Variants in KLHL13 observed in about 807,000 individuals in gnomAD.
The protein encoded by KLHL13 is kelch like family member 13, also known as kelch-like protein 13.
A neutral mutation model predicts 37.1 loss-of-function variants in KLHL13; 10 were observed. That is an observed-to-expected ratio of 0.27 (90% CI 0.17 to 0.46). KLHL13 has a LOEUF of 0.46. Among genes scored for constraint, KLHL13 ranks in the 20% least tolerant of loss-of-function variants. The pLI is 1.00. For missense variants in KLHL13, 360 were observed against 509.3 expected, an observed-to-expected ratio of 0.71 and a Z score of 2.82; for synonymous variants, 163 against 181.2, an observed-to-expected ratio of 0.90 and a Z score of 0.81.
At chrX:117,954,585 T>C (rs895437056) in intron 1 of KLHL13, among the ~76,000 whole-genome samples, 4 of 112,805 alleles carry the variant, frequency 3.5e-5, no homozygotes, top group Admixed American at 1.9e-4. Context: ...ATACCTTCTA[T>C]ACAAACAAGT....
At chrX:118,116,108 C>G (rs1256586827) in intron 1 of KLHL13, among the ~76,000 whole-genome samples, 1 of 111,650 alleles carries the variant, frequency 9.0e-6, no homozygotes, top group African/African-American at 3.3e-5. Context: ...GATTAGGAGG[C>G]ACAAAGCAGA....
rs1008180480 is a variant in KLHL13 at position 118,105,893 on chromosome X, T to C, written c.-56+10615A>G. On this transcript the variant is annotated intron_variant, in intron 1 of 6. Coordinates refer to the KLHL13 transcript ENST00000371882. ...TAAAGGATCCTTTGGTCTAAACAGC[T>C]TTTTTTTTTTTTTTTTTTTTTTTTT... is the stretch of plus-strand genomic sequence containing the variant. Among the ~76,000 whole-genome samples the C allele has an allele frequency of 1.5e-4, 8 of 52,173 alleles. No individual in the cohort carries two copies. The South Asian group carries it at 8.1e-3, about 53-fold the overall frequency. The allele number at this position is 52,173 out of a possible 115,157, so 45.3% of individuals were successfully genotyped here. A position where few individuals can be genotyped will look rare whatever the true frequency, so the allele number is the denominator to read the frequency against.
chrX:118,047,863 G>A (rs1295690674), intron 1 of KLHL13, among the ~76,000 whole-genome samples: 2 of 111,938 alleles, frequency 1.8e-5, no homozygotes, highest in East Asian at 2.8e-4. Flanking sequence ...AGGAGAGGCC[G>A]TGGGCTCGAA....
chrX:117,960,360 T>C (rs982952555), intron 1 of KLHL13, among the ~76,000 whole-genome samples: 7 of 111,687 alleles, frequency 6.3e-5, no homozygotes, highest in Non-Finnish European at 1.3e-4. Context: ...AGTTTAGAAA[T>C]GCCACTTCTG....
At chrX:117,941,243 C>A (rs1235162895) in intron 2 of KLHL13, among the ~76,000 whole-genome samples, 1 of 110,465 alleles carries the variant, frequency 9.1e-6, no homozygotes, top group East Asian at 2.8e-4. Flanking sequence ...TGATGGATTA[C>A]ATTTTATCGA....
intron 1 of KLHL13, among the ~76,000 whole-genome samples, chrX:118,023,635 C>G (rs1268794299): frequency 9.0e-6 from 1 of 111,619 alleles, no homozygotes; most frequent in Admixed American, 9.5e-5. Context: ...GTGGCACGAT[C>G]TCAGCTCACT....
intron 1 of KLHL13, among the ~76,000 whole-genome samples, chrX:118,027,612 C>G (rs993770460): frequency 9.2e-6 from 1 of 108,181 alleles, no homozygotes; most frequent in Non-Finnish European, 1.9e-5. Context: ...CTCACTCACT[C>G]ACACCCGCTC....
intron 1 of KLHL13, among the ~76,000 whole-genome samples, chrX:118,000,996 T>C (rs187818843): frequency 8.9e-6 from 1 of 112,050 alleles, no homozygotes; most frequent in African/African-American, 3.2e-5. Flanking sequence ...TAAATTTAAT[T>C]TCATTAAATT....
chrX:118,071,240 G>A lies in KLHL13; in HGVS notation c.-56+45268C>T, dbSNP rs199650028. On this transcript the variant is annotated intron_variant, in intron 1 of 6. Transcript: ENST00000371882. ...ATACGTGTGCATGTGTCTTTATAGC[G>A]GCATGATTTATAGTCCTTTGGGTAT... Among the ~76,000 whole-genome samples the A allele has an allele frequency of 1.8e-3, 204 of 111,292 alleles. 2 individuals are homozygous for A. The East Asian group carries it at 0.028, about 15-fold the overall frequency.
chrX:118,064,199 CAAT>C (rs1464035107), intron 1 of KLHL13, among the ~76,000 whole-genome samples: 2 of 111,467 alleles, frequency 1.8e-5, no homozygotes, highest in African/African-American at 6.5e-5. Context: ...TTGTCTTTAA[CAAT>C]AATTTCTAAA....
At chrX:117,952,090 C>T (rs1034057917) in intron 1 of KLHL13, among the ~76,000 whole-genome samples, 10 of 111,229 alleles carry the variant, frequency 9.0e-5, no homozygotes, top group Admixed American at 2.9e-4. Flanking sequence ...GAGCCCGCAT[C>T]GCCAAGTCAA....
chrX:118,106,311 A>T (rs1237785603), intron 1 of KLHL13, among the ~76,000 whole-genome samples: 2 of 111,174 alleles, frequency 1.8e-5, no homozygotes, highest in Admixed American at 9.7e-5. Flanking sequence ...CATTGTGCAT[A>T]TTCCACAGGA....
At position 117,932,705 on chromosome X, in the gene KLHL13, G is replaced by A. The variant is rs759785367; in HGVS notation, c.241-12335C>T. Among the ~76,000 whole-genome samples, 20 of 111,953 alleles carry A rather than the reference G, an allele frequency of 1.8e-4. No homozygotes were observed. The South Asian group carries it at 7.4e-3, about 42-fold the overall frequency. ...GAATGTGCCAATGTCTCTCCAACAT[G>A]CTGATTTCCTTTGGATATATACCCA... On this transcript the variant is annotated intron_variant, in intron 2 of 6. Transcript: ENST00000262820.
chrX:117,969,631 C>T (rs2053490133), intron 1 of KLHL13, among the ~76,000 whole-genome samples: 1 of 111,294 alleles, frequency 9.0e-6, no homozygotes, highest in African/African-American at 3.3e-5. Flanking sequence ...ATAGATGGCA[C>T]ACCACCCTGC....
chrX:118,031,000 C>T (rs562473375), intron 1 of KLHL13, among the ~76,000 whole-genome samples: 1 of 111,421 alleles, frequency 9.0e-6, no homozygotes, highest in Non-Finnish European at 1.9e-5. Context: ...TTCAGATTCT[C>T]CAGAAAATAA....
At chrX:117,949,321 G>T (rs1038884633) in intron 1 of KLHL13, among the ~76,000 whole-genome samples, 14 of 110,480 alleles carry the variant, frequency 1.3e-4, no homozygotes, top group Non-Finnish European at 1.9e-4. Flanking sequence ...GACAAATGTG[G>T]TTTTTTTTTA....
chrX:118,043,515 A>G (rs1157718908), intron 1 of KLHL13, among the ~76,000 whole-genome samples: 1 of 111,693 alleles, frequency 9.0e-6, no homozygotes, highest in Non-Finnish European at 1.9e-5. Flanking sequence ...TGAATTCAAC[A>G]ACACATTAAA....
At chrX:118,029,864 G>T (rs2054316857) in intron 1 of KLHL13, among the ~76,000 whole-genome samples, 1 of 110,317 alleles carries the variant, frequency 9.1e-6, no homozygotes, top group African/African-American at 3.3e-5. Flanking sequence ...GCTACTCAGA[G>T]GGCTGAGGTG....
chrX:118,081,139 T>C (rs1465228060), intron 1 of KLHL13, among the ~76,000 whole-genome samples: 1 of 111,287 alleles, frequency 9.0e-6, no homozygotes, highest in Non-Finnish European at 1.9e-5. Flanking sequence ...GGGGCATGGG[T>C]TAAAAAGCTA....
Sources: gnomAD v4.1 joint callset for allele counts (sites outside exome capture counted in the v4.1 genomes callset) on GRCh38, gnomAD v4.1.1 for gene constraint, MANE v1.5 for transcripts, NCBI Gene and HGNC (gene_info 2026-07-23, HGNC 2026-07-21) for gene names.